The following RNF20 variants were observed in gnomAD, a reference collection of about 807,000 sequenced individuals.
RNF20 encodes the protein E3 ubiquitin-protein ligase BRE1A.
Under a neutral mutation model 126.2 loss-of-function variants are expected in RNF20, and 84 were observed. The observed-to-expected ratio is 0.67, with a 90% CI of 0.56 to 0.80. RNF20 has a LOEUF of 0.80. RNF20 is among the 30% of genes least tolerant of loss of function. The pLI is 0.00. For synonymous variants in RNF20, 400 were observed against 414.3 expected, an observed-to-expected ratio of 0.97 and a Z score of 0.42; for missense variants, 869 against 1,188.2, an observed-to-expected ratio of 0.73 and a Z score of 3.95.
At position 101,553,990 on chromosome 9, in the gene RNF20, A is replaced by C; in HGVS notation, c.1904A>C (p.Lys635Thr). 6.3e-7 allele frequency: 1 copy of C among 1,595,652 alleles called. No homozygotes were observed. Among genetic ancestry groups the C allele is most frequent in the East Asian group, 2.2e-5 (1 of 44,726 alleles). ...TCCCTCTACTACGCCTGTCATAGGA[A>C]GGCACAGGAGAGCCAAAAGGAGATG... ...IIKQLKIELK[K>T]AQESQKEMKL... Residue 635 changes from lysine to threonine, a missense_variant and splice_region_variant, in exon 14 of 20, where the codon AAG (lysine) becomes ACG (threonine). Physicochemically the swap from Lys to Thr is moderately conservative, Grantham distance 78. Around this residue, in one of 8 missense-constraint regions of RNF20, gnomAD observed 231 missense variants for 263.6 expected, o/e 0.88. Coordinates refer to ENST00000389120, the MANE Select transcript of RNF20 (RefSeq NM_019592.7).
chr9:101,542,817 G>A (rs989257928), intron 5 of RNF20, among the ~76,000 whole-genome samples: 18 of 152,092 alleles, frequency 1.2e-4, no homozygotes, highest in Admixed American at 1.3e-4. Context: ...TTTTAAGGTC[G>A]GGTTTAAGTT....
intron 2 of RNF20, among the ~76,000 whole-genome samples, chr9:101,537,628 A>G (rs1827203909): frequency 6.6e-6 from 1 of 152,228 alleles, no homozygotes; most frequent in African/African-American, 2.4e-5. Context: ...TTTTCATGTC[A>G]AGGAATGAGA....
intron 13 of RNF20, 68 bp from the exon 14 acceptor site, chr9:101,553,920 T>C (rs1827488489): frequency 1.2e-6 from 1 of 828,572 alleles, no homozygotes; most frequent in East Asian, 2.6e-5. Context: ...TCAATCAAAA[T>C]TCCCTTGCTC....
chr9:101,547,622 G>A (rs1588220387), intron 9 of RNF20, 104 bp downstream of exon 9: 3 of 1,332,648 alleles, frequency 2.3e-6, no homozygotes, highest in Admixed American at 2.4e-5. Context: ...TAAGAAAAAT[G>A]TAGACAAAAT....
rs1218042571 is a variant in RNF20, at chr9:101,540,836, C to T, written c.489C>T (p.Ala163=). Residue 163 remains alanine, a synonymous_variant, in exon 5 of 20, where the codon GCC becomes GCT. Transcript: ENST00000389120. ...EPAFSFLATL[A]SSSSEEMESQ... ...CTTTCTCTTTCCTTGCTACTTTGGCCAGCAGTTCCAGTGAAGAGATGGAGT... is the reference window on the plus strand; with the variant it reads ...CTTTCTCTTTCCTTGCTACTTTGGCTAGCAGTTCCAGTGAAGAGATGGAGT... 1 of 1,614,006 alleles carries T rather than the reference C, an allele frequency of 6.2e-7. No homozygotes were observed. Among genetic ancestry groups the T allele is most frequent in the South Asian group, 1.1e-5 (1 of 91,072 alleles).
chr9:101,554,475 A>G (rs1033807587), intron 14 of RNF20, among the ~76,000 whole-genome samples: 30 of 152,196 alleles, frequency 2.0e-4, no homozygotes, highest in African/African-American at 7.0e-4. Flanking sequence ...TTACCTGTGC[A>G]CTTCTCAAAA....
intron 17 of RNF20, 26 bp from the exon 18 acceptor site, chr9:101,561,064 G>A: frequency 6.2e-7 from 1 of 1,611,002 alleles, no homozygotes; most frequent in Non-Finnish European, 8.5e-7. Context: ...ATACAATGGT[G>A]TCACTTATTT....
chr9:101,537,258 A>G (rs1827199060), intron 2 of RNF20, among the ~76,000 whole-genome samples: 1 of 152,196 alleles, frequency 6.6e-6, no homozygotes, highest in African/African-American at 2.4e-5. Flanking sequence ...CTGTGGAGGT[A>G]GCATTGATAA....
At chr9:101,554,605 T>C in intron 14 of RNF20, 89 bp from the exon 15 acceptor site, 1 of 1,110,978 alleles carries the variant, frequency 9.0e-7, no homozygotes, top group Non-Finnish European at 1.3e-6. Context: ...CTTTTGGTAT[T>C]ATGAACCTTC....
Position 101,562,005 on chromosome 9 carries a change from T to C in RNF20, c.2745T>C (p.Asp915=). 6.2e-7 allele frequency: 1 copy of C among 1,603,850 alleles called. No homozygotes were observed. The highest frequency in any genetic ancestry group is 8.5e-7 in the Non-Finnish European group (1 of 1,175,158). Residue 915 remains aspartate, a synonymous_variant, in exon 19 of 20, where the codon GAT becomes GAC. Transcript: ENST00000389120. ...AGATTCTGATGGAAGAGATTAAGGA[T>C]TACAAGGTTAGAAAAAATGCCTTAG... ...CDEILMEEIK[D]YKARLTCPCC...
chr9:101,544,978 A>G, intron 6 of RNF20, 93 bp downstream of exon 6: 1 of 791,624 alleles, frequency 1.3e-6, no homozygotes, highest in Non-Finnish European at 2.2e-6. Flanking sequence ...ACCTTACTCT[A>G]GAAGGCCTAT....
intron 5 of RNF20, among the ~76,000 whole-genome samples, chr9:101,544,359 C>T (rs372117822): frequency 6.6e-6 from 1 of 152,198 alleles, no homozygotes; most frequent in Admixed American, 6.5e-5. Context: ...TCCCAAGGTG[C>T]TAGGATTACA....
In RNF20 at chr9:101,546,304, A is replaced by G. The variant is rs1018424131; in HGVS notation, c.748-516A>G. On this transcript the variant is annotated intron_variant, in intron 6 of 19. Coordinates refer to ENST00000389120, the MANE Select transcript of RNF20 (RefSeq NM_019592.7). Reference sequence around the variant, plus strand: ...AATAGAGTATCTGACTTTAGATTATAGTATAATCTATACTGTATTGTATCT... The same window carrying G: ...AATAGAGTATCTGACTTTAGATTATGGTATAATCTATACTGTATTGTATCT... Among the ~76,000 whole-genome samples, 2 of 152,186 alleles carry G rather than the reference A, an allele frequency of 1.3e-5. 1 individual carries two copies. The highest frequency in any genetic ancestry group is 1.3e-4 in the Admixed American group (2 of 15,274).
chr9:101,554,793 G>A lies in RNF20; in HGVS notation c.2119G>A (p.Val707Met), dbSNP rs896631859. ...GGATGCCTTGAGGAAGATCCGGGCA[G>A]TGGAGGAGCAGATAGAATACCTACA... is the stretch of plus-strand genomic sequence containing the variant. The part of the protein sequence containing the change: ...DEDALRKIRA[V>M]EEQIEYLQKK... The change falls in exon 15 of 20, where the codon GTG becomes ATG. Residue 707 changes from valine (V) to methionine (M), a missense_variant. Coordinates refer to ENST00000389120, the MANE Select transcript of RNF20 (RefSeq NM_019592.7). 6.4e-7 allele frequency: 1 copy of A among 1,557,234 alleles called. No homozygotes were observed. The highest frequency in any genetic ancestry group is 8.7e-7 in the Non-Finnish European group (1 of 1,146,062).
chr9:101,534,406 G>C (rs1397770334), intron 1 of RNF20: 1 of 152,178 alleles, frequency 6.6e-6, no homozygotes, highest in African/African-American at 2.4e-5. Flanking sequence ...CTAACAGGCA[G>C]AACTGAAATT....
Position 101,562,669 on chromosome 9 carries a change from A to G in RNF20, c.*247A>G. On this transcript the variant is annotated 3_prime_UTR_variant, in exon 20 of 20. Coordinates refer to ENST00000389120, the MANE Select transcript of RNF20 (RefSeq NM_019592.7). Reference sequence around the variant, plus strand: ...AATAACTCTTACTGTCTTCCCTCCCAGCTTTGTTTATTTTGTGCTTTTAGA... The same window carrying G: ...AATAACTCTTACTGTCTTCCCTCCCGGCTTTGTTTATTTTGTGCTTTTAGA... 1 of 366,620 alleles carries G rather than the reference A, an allele frequency of 2.7e-6. No homozygotes were observed. Among genetic ancestry groups the G allele is most frequent in the Non-Finnish European group, 4.9e-6 (1 of 204,454 alleles). 22.7% of individuals were successfully genotyped at this position (366,620 alleles called of 1,614,324 possible).
intron 10 of RNF20, 77 bp downstream of exon 10, chr9:101,550,862 A>G (rs1827432932): frequency 3.2e-6 from 4 of 1,242,974 alleles, no homozygotes; most frequent in Non-Finnish European, 4.7e-6. Context: ...CTCATGTGCA[A>G]TTAATCTCTC....
At chr9:101,535,892 A>G (rs550184011) in intron 2 of RNF20, among the ~76,000 whole-genome samples, 2 of 152,330 alleles carry the variant, frequency 1.3e-5, no homozygotes, top group African/African-American at 2.4e-5. Flanking sequence ...CAGTTTAGCA[A>G]TCATTGAGAG....
intron 16 of RNF20, among the ~76,000 whole-genome samples, chr9:101,558,596 A>G (rs967957574): frequency 1.1e-4 from 17 of 152,170 alleles, no homozygotes; most frequent in Admixed American, 8.5e-4. Flanking sequence ...GATTATGGCC[A>G]TTCCTGCAAA....
Sources: allele counts gnomAD v4.1 joint callset (sites outside exome capture counted in the v4.1 genomes callset), GRCh38; gene constraint gnomAD v4.1.1; regional missense constraint gnomAD v4.1.1; transcripts MANE v1.5; gene names NCBI Gene and HGNC (gene_info 2026-07-23, HGNC 2026-07-21).